Variants in MX1 observed in about 807,000 individuals in gnomAD.
The protein encoded by MX1 is interferon-induced GTP-binding protein Mx1.
In MX1, 66 loss-of-function variants were observed where a neutral mutation model predicts 66.4. That is an observed-to-expected ratio of 0.99 (90% CI 0.82 to 1.22). MX1 has a LOEUF of 1.22. MX1 is among the 50% of genes most tolerant of loss of function. MX1 has a pLI of 0.00. For missense variants in MX1, 787 were observed against 834.3 expected (o/e 0.94, Z 0.70); for synonymous variants, 311 against 318.1 (o/e 0.98, Z 0.24).
Position 41,439,759 on chromosome 21 carries a change from T to G in MX1, c.502T>G (p.Ser168Ala), listed in dbSNP as rs770514160. ...TGAGCTAATCACCCTGGAGATCAGC[T>G]CCCGAGATGTCCCGGATCTGACTCT... ...SHELITLEIS[S>A]RDVPDLTLID... Residue 168 changes from serine to alanine, a missense_variant, in exon 8 of 17, where the codon TCC (serine) becomes GCC (alanine). By Grantham distance (99) the Ser-to-Ala change is moderately conservative. Coordinates refer to ENST00000398598, the MANE Select transcript of MX1 (RefSeq NM_002462.5). 6.2e-7 allele frequency: 1 copy of G among 1,614,072 alleles called. No homozygotes were observed. Among genetic ancestry groups the G allele is most frequent in the Admixed American group, 1.7e-5 (1 of 60,004 alleles).
chr21:41,443,405 T>C (rs1222462277), intron 10 of MX1: 1 of 163,794 alleles, frequency 6.1e-6, no homozygotes, highest in African/African-American at 2.4e-5. Context: ...TATGCTTCAA[T>C]GTATTTGTAT....
At chr21:41,443,674 T>C in intron 10 of MX1, 114 bp from the exon 11 acceptor site, 1 of 876,480 alleles carries the variant, frequency 1.1e-6, no homozygotes, top group Non-Finnish European at 1.9e-6. Flanking sequence ...CTGCAAGACA[T>C]TCCATCCAGT....
chr21:41,447,586 G>A (rs2090698296), intron 13 of MX1, among the ~76,000 whole-genome samples: 1 of 152,138 alleles, frequency 6.6e-6, no homozygotes, highest in Non-Finnish European at 1.5e-5. Context: ...ACCCAGGCAG[G>A]CAGAAAGCAG....
chr21:41,459,079 G>T lies in MX1; in HGVS notation c.*321G>T. The T allele has an allele frequency of 2.2e-6, 1 of 456,152 alleles. No individual in the cohort carries two copies. The highest frequency in any genetic ancestry group is 3.7e-5 in the South Asian group (1 of 26,774). The allele number at this position is 456,152 out of a possible 1,614,324, so 28.3% of individuals were successfully genotyped here. A position where few individuals can be genotyped will look rare whatever the true frequency, so the allele number is the denominator to read the frequency against. ...GTATTCCTAGAAACTGACACATGCT[G>T]AACATCACAGCTTATTTCCTCATTT... On this transcript the variant is annotated 3_prime_UTR_variant, in exon 17 of 17. Transcript: ENST00000398598.
intron 8 of MX1, among the ~76,000 whole-genome samples, chr21:41,440,164 T>G (rs2090467529): frequency 1.3e-5 from 2 of 152,224 alleles, no homozygotes; most frequent in South Asian, 4.1e-4. Flanking sequence ...TAAAGTGCTG[T>G]GTATTAGGAA....
At position 41,451,215 on chromosome 21, in the gene MX1, A is replaced by G; in HGVS notation, c.1481A>G (p.Glu494Gly). 6.2e-7 allele frequency: 1 copy of G among 1,612,878 alleles called. No individual in the cohort carries two copies. The highest frequency in any genetic ancestry group is 8.5e-7 in the Non-Finnish European group (1 of 1,179,134). Residue 494 changes from glutamate to glycine, a missense_variant, in exon 15 of 17, where the codon GAG becomes GGG. Transcript: ENST00000398598. ...GATGTTTCGATAAAAAATTTTGAAG[A>G]GTTTTTTAACCTCCACAGAACCGCC... ...FTDVSIKNFEEFFNLHRTAKS... is the reference protein window; with the variant it reads ...FTDVSIKNFEGFFNLHRTAKS...
At chr21:41,447,226 C>T (rs1029566190) in intron 13 of MX1, among the ~76,000 whole-genome samples, 1 of 152,144 alleles carries the variant, frequency 6.6e-6, no homozygotes, top group Admixed American at 6.5e-5. Context: ...GTGGTTGTCC[C>T]TCAGTGTGTG....
intron 1 of MX1, among the ~76,000 whole-genome samples, chr21:41,421,019 G>A (rs1395868567): frequency 1.3e-5 from 2 of 152,368 alleles, no homozygotes; most frequent in Admixed American, 1.3e-4. Context: ...GATCCCGCCA[G>A]CCTCTGAGTT....
intron 5 of MX1, among the ~76,000 whole-genome samples, chr21:41,434,117 A>G (rs1324022351): frequency 2.6e-5 from 4 of 152,256 alleles, no homozygotes; most frequent in Non-Finnish European, 5.9e-5. Flanking sequence ...CCTGTTATAA[A>G]GAAGCTATTC....
At chr21:41,425,010 G>A (rs112631038), upstream of MX1, among the ~76,000 whole-genome samples, 359 of 152,324 alleles carry the variant, frequency 2.4e-3, 1 homozygote, top group Admixed American at 4.2e-3. Context: ...CTGGGGTCCC[G>A]AGGCAGGTGA....
intron 16 of MX1, among the ~76,000 whole-genome samples, chr21:41,455,073 C>CTAT (rs1361975588): frequency 6.6e-6 from 1 of 152,106 alleles, no homozygotes; most frequent in Non-Finnish European, 1.5e-5. Flanking sequence ...CCATGCCTAG[C>CTAT]TATTTTTTCT....
intron 5 of MX1, among the ~76,000 whole-genome samples, chr21:41,434,553 A>C (rs989726597): frequency 6.6e-6 from 1 of 151,832 alleles, no homozygotes; most frequent in African/African-American, 2.4e-5. Flanking sequence ...CTCTTGGATT[A>C]TTTTTTATGA....
intron 6 of MX1, 51 bp from the exon 7 acceptor site, chr21:41,436,964 G>A (rs780548254): frequency 1.9e-6 from 3 of 1,606,576 alleles, no homozygotes; most frequent in Non-Finnish European, 2.5e-6. Context: ...AAGGCGCTAT[G>A]TAGGTCTTTT....
chr21:41,452,823 ACT>A lies in MX1; in HGVS notation c.1715_1716del (p.Ser572PhefsTer99). ...GCTTTCCAGTCCAGCTCGGCAACAGACTCTTCCATGGAGGAGATCTTTCAGCA... is the reference window on the plus strand; with the variant it reads ...GCTTTCCAGTCCAGCTCGGCAACAGACTTCCATGGAGGAGATCTTTCAGCA... On this transcript the variant is annotated frameshift_variant, in exon 16 of 17. Transcript: ENST00000398598. LOFTEE classifies it low-confidence loss of function (END_TRUNC). 1.9e-6 allele frequency: 3 copies of A among 1,614,126 alleles called. No homozygotes were observed. The highest frequency in any genetic ancestry group is 2.5e-6 in the Non-Finnish European group (3 of 1,180,026).
At chr21:41,443,994 A>G in intron 11 of MX1, 128 bp downstream of exon 11, 1 of 877,338 alleles carries the variant, frequency 1.1e-6, no homozygotes, top group Non-Finnish European at 1.8e-6. Context: ...GCAGTTTCAG[A>G]TTCTGTGGGT....
Position 41,441,575 on chromosome 21 carries a change from C to T in MX1, c.731-141C>T, listed in dbSNP as rs1443840086. 2.4e-6 allele frequency: 2 copies of T among 839,768 alleles called. No homozygotes were observed. Among genetic ancestry groups the T allele is most frequent in the African/African-American group, 1.7e-5 (1 of 59,672 alleles). The allele number at this position is 839,768 out of a possible 1,614,324, so 52.0% of individuals were successfully genotyped here. A position where few individuals can be genotyped will look rare whatever the true frequency, so the allele number is the denominator to read the frequency against. On this transcript the variant is annotated intron_variant, in intron 9 of 16. Transcript: ENST00000398598. The surrounding 1 kb of genome is among the most constrained non-coding windows in gnomAD (Gnocchi z 4.0). The stretch of plus-strand genomic sequence containing the variant: ...TTTTCTGGAGCGGGGCTCCACTGCC[C>T]CCATGGTTCTGCAGGGGCTATGGCC...
rs373933853 is a variant in MX1, at chr21:41,439,680, T to G, written c.437-14T>G. ...AGCTCTGTTTGGGTTTGATTTTCCC[T>G]GTCTCTTTTCTAGCCCAGAATGCCA... is the stretch of plus-strand genomic sequence containing the variant. On this transcript the variant is annotated splice_polypyrimidine_tract_variant and intron_variant, in intron 7 of 16. Coordinates refer to ENST00000398598, the MANE Select transcript of MX1 (RefSeq NM_002462.5). 1 of 1,612,120 alleles carries G rather than the reference T, an allele frequency of 6.2e-7. No homozygotes were observed. The highest frequency in any genetic ancestry group is 1.3e-5 in the African/African-American group (1 of 74,898).
chr21:41,454,088 A>T (rs937682466), intron 16 of MX1, among the ~76,000 whole-genome samples: 1 of 145,144 alleles, frequency 6.9e-6, no homozygotes, highest in African/African-American at 2.6e-5. Flanking sequence ...GATTCTCTAC[A>T]GGTGCAAATT....
chr21:41,421,891 C>G (rs1302695072), upstream of MX1: 2 of 152,298 alleles, frequency 1.3e-5, no homozygotes, highest in Non-Finnish European at 2.9e-5. Flanking sequence ...GAAAATATCT[C>G]GGGACCCCCA....
Sources: gnomAD v4.1 joint callset for allele counts (sites outside exome capture counted in the v4.1 genomes callset) on GRCh38, gnomAD v4.1.1 for gene constraint, Gnocchi (gnomAD v3.1) non-coding constraint, MANE v1.5 for transcripts, NCBI Gene and HGNC (gene_info 2026-07-23, HGNC 2026-07-21) for gene names.